CCND1: variants seen among roughly 807,000 people sequenced by gnomAD.
CCND1 encodes the protein cyclin D1, also known as G1/S-specific cyclin-D1.
Under a neutral mutation model 26.1 loss-of-function variants are expected in CCND1, and 9 were observed. That is an observed-to-expected ratio of 0.35 (90% confidence interval 0.21 to 0.60). The LOEUF is 0.60. Ranked by LOEUF, CCND1 falls within the 20% of genes least tolerant of loss-of-function variation. The pLI, the probability that CCND1 is intolerant of heterozygous loss-of-function variation, is 0.79. For missense variants in CCND1, 335 were observed against 392.9 expected, an observed-to-expected ratio of 0.85 and a Z score of 1.25; for synonymous variants, 194 against 166.1, an observed-to-expected ratio of 1.17 and a Z score of -1.29.
In CCND1 at chr11:69,653,369, C is replaced by T. The variant is rs1179486901; in HGVS notation, c.*2087C>T. 1.4e-6 allele frequency: 1 copy of T among 694,854 alleles called. No homozygotes were observed. The highest frequency in any genetic ancestry group is 2.6e-6 in the Non-Finnish European group (1 of 382,744). The allele number at this position is 694,854 out of a possible 1,614,324, so 43.0% of individuals were successfully genotyped here. A position where few individuals can be genotyped will look rare whatever the true frequency, so the allele number is the denominator to read the frequency against. ...TTACAATGTCATATACTGCCATGTA[C>T]TAGTTTTAGTTTTCTCTTAGAACAT... On this transcript the variant is annotated 3_prime_UTR_variant, in exon 5 of 5. Transcript: ENST00000227507.
At chr11:69,647,403 C>T (rs914358889) in intron 3 of CCND1, among the ~76,000 whole-genome samples, 1 of 152,060 alleles carries the variant, frequency 6.6e-6, no homozygotes, top group Admixed American at 6.5e-5. Context: ...ACACCACAGC[C>T]GCCCTGAAGG....
At position 69,643,900 on chromosome 11, in the gene CCND1, T is replaced by C. The variant is rs1447014281; in HGVS notation, c.483T>C (p.Ile161=). The C allele has an allele frequency of 3.1e-6, 5 of 1,613,534 alleles. No homozygotes were observed. Among genetic ancestry groups the C allele is most frequent in the Non-Finnish European group, 4.2e-6 (5 of 1,180,004 alleles). The stretch of plus-strand genomic sequence containing the variant: ...CCGCAATGACCCCGCACGATTTCAT[T>C]GAACACTTCCTCTCCAAAATGCCAG... ...NLAAMTPHDF[I]EHFLSKMPEA... The change falls in exon 3 of 5, where the codon ATT becomes ATC. Residue 161 remains isoleucine, a synonymous_variant. Transcript: ENST00000227507.
At position 69,641,613 on chromosome 11, in the gene CCND1, T is replaced by C. The variant is rs1855701411; in HGVS notation, c.198+102T>C. The C allele has an allele frequency of 1.1e-5, 13 of 1,174,016 alleles. No individual in the cohort carries two copies. In the Admixed American group the frequency reaches 2.5e-4, roughly 22 times the overall value. The allele number at this position is 1,174,016 out of a possible 1,614,324, so 72.7% of individuals were successfully genotyped here. ...CCCCTCCCTTCTCTCCCGCTAGAAC[T>C]TTGAAGTTTGCCGTGGTGTTTCTAG... On this transcript the variant is annotated intron_variant, in intron 1 of 4. Transcript: ENST00000227507.
In CCND1 at chr11:69,653,873, C is replaced by G. The variant is rs1855888004; in HGVS notation, c.*2591C>G. ...ATTGGAATAGCTTCTGGAATTTGTT[C>G]AAGTTTTGGGTATGTTTAATCTGTT... On this transcript the variant is annotated 3_prime_UTR_variant, in exon 5 of 5. Transcript: ENST00000227507. The G allele has an allele frequency of 2.6e-6, 1 of 386,774 alleles. No individual in the cohort carries two copies. 24.0% of individuals were successfully genotyped at this position (386,774 alleles called of 1,614,324 possible). A position where few individuals can be genotyped will look rare whatever the true frequency, so the allele number is the denominator to read the frequency against.
rs545055816 is a variant in CCND1, at chr11:69,643,536, G to C, written c.414+290G>C. ...CCAGCGGCTGCACGAGGAGCGCCGCGCTCGGCGCTGAGCCTCCAGTTCCAG... is the reference window on the plus strand; with the variant it reads ...CCAGCGGCTGCACGAGGAGCGCCGCCCTCGGCGCTGAGCCTCCAGTTCCAG... On this transcript the variant is annotated intron_variant, in intron 2 of 4. Coordinates refer to ENST00000227507, the MANE Select transcript of CCND1 (RefSeq NM_053056.3). Among the ~76,000 whole-genome samples the C allele has an allele frequency of 4.6e-5, 7 of 152,356 alleles. No individual in the cohort carries two copies. The South Asian group carries it at 1.2e-3, about 27-fold the overall frequency.
Position 69,641,229 on chromosome 11 carries a change from A to C in CCND1, c.-85A>C. 1 of 1,310,736 alleles carries C rather than the reference A, an allele frequency of 7.6e-7. No homozygotes were observed. Among genetic ancestry groups the C allele is most frequent in the Non-Finnish European group, 1.1e-6 (1 of 921,670 alleles). The allele number at this position is 1,310,736 out of a possible 1,614,324, so 81.2% of individuals were successfully genotyped here. A position where few individuals can be genotyped will look rare whatever the true frequency, so the allele number is the denominator to read the frequency against. ...GGCGAGGGGCAGAAGAGCGCGAGGGAGCGCGGGGCAGCAGAAGCGAGAGCC... is the reference window on the plus strand; with the variant it reads ...GGCGAGGGGCAGAAGAGCGCGAGGGCGCGCGGGGCAGCAGAAGCGAGAGCC... On this transcript the variant is annotated 5_prime_UTR_variant, in exon 1 of 5. Coordinates refer to ENST00000227507, the MANE Select transcript of CCND1 (RefSeq NM_053056.3).
Position 69,653,480 on chromosome 11 carries a change from G to A in CCND1, c.*2198G>A. The A allele has an allele frequency of 3.5e-6, 2 of 571,482 alleles. No individual in the cohort carries two copies. Among genetic ancestry groups the A allele is most frequent in the Non-Finnish European group, 6.1e-6 (2 of 328,452 alleles). The allele number at this position is 571,482 out of a possible 1,614,324, so 35.4% of individuals were successfully genotyped here. ...TGTGATTACTGCTCTATTCCAAAAA[G>A]GTTGCTGTTTCACAATACCTCATGC... is the stretch of plus-strand genomic sequence containing the variant. On this transcript the variant is annotated 3_prime_UTR_variant, in exon 5 of 5. Coordinates refer to ENST00000227507, the MANE Select transcript of CCND1 (RefSeq NM_053056.3).
intron 2 of CCND1, 82 bp downstream of exon 2, chr11:69,643,328 G>T (rs886353624): frequency 4.3e-6 from 5 of 1,167,850 alleles, no homozygotes; most frequent in African/African-American, 3.2e-5. Context: ...AGGCGGTGGC[G>T]GCCGGCCCGC....
intron 3 of CCND1, among the ~76,000 whole-genome samples, chr11:69,645,932 A>G (rs1855772670): frequency 1.3e-5 from 2 of 152,196 alleles, no homozygotes; most frequent in Admixed American, 6.5e-5. Context: ...AGGAACGTCC[A>G]GTGCCAAGGA....
rs1389923822 is a variant in CCND1 at position 69,648,151 on chromosome 11, G to C, written c.723+9G>C. ...TGATCAAGTGTGACCCGGTAAGTGA[G>C]GGTGATGTCCCAGGCAGCCTTGCCG... On this transcript the variant is annotated intron_variant, in intron 4 of 4. Coordinates refer to ENST00000227507, the MANE Select transcript of CCND1 (RefSeq NM_053056.3). 6.2e-7 allele frequency: 1 copy of C among 1,613,570 alleles called. No individual in the cohort carries two copies. Among genetic ancestry groups the C allele is most frequent in the Non-Finnish European group, 8.5e-7 (1 of 1,179,938 alleles).
rs192450956 is a variant in CCND1, at chr11:69,648,528, A to C, written c.723+386A>C. Among the ~76,000 whole-genome samples, 32 of 152,366 alleles carry C rather than the reference A, an allele frequency of 2.1e-4. No individual in the cohort carries two copies. The East Asian group carries it at 4.6e-3, about 22-fold the overall frequency. ...GCGTGGCCAATAAATAGATGCTTGA[A>C]AAGGGCTCCTGTGAGGTCCGAGACA... On this transcript the variant is annotated intron_variant, in intron 4 of 4. Transcript: ENST00000227507.
At position 69,651,197 on chromosome 11, in the gene CCND1, C is replaced by T. The variant is rs2120120354; in HGVS notation, c.803C>T (p.Pro268Leu). 6.2e-7 allele frequency: 1 copy of T among 1,608,524 alleles called. No homozygotes were observed. The highest frequency in any genetic ancestry group is 8.5e-7 in the Non-Finnish European group (1 of 1,176,936). ...SLRQAQQNMDPKAAEEEEEEE... is the reference protein window; with the variant it reads ...SLRQAQQNMDLKAAEEEEEEE... ...CGCCAGGCCCAGCAGAACATGGACC[C>T]CAAGGCCGCCGAGGAGGAGGAAGAG... Residue 268 changes from proline to leucine, a missense_variant, in exon 5 of 5, where the codon CCC becomes CTC. Transcript: ENST00000227507.
rs990053159 is a variant in CCND1 at position 69,643,005 on chromosome 11, C to A, written c.199-26C>A. 9.4e-6 allele frequency: 14 copies of A among 1,493,710 alleles called. No homozygotes were observed. In the African/African-American group the frequency reaches 2.0e-4, roughly 22 times the overall value. 92.5% of individuals were successfully genotyped at this position (1,493,710 alleles called of 1,614,324 possible). A position where few individuals can be genotyped will look rare whatever the true frequency, so the allele number is the denominator to read the frequency against. On this transcript the variant is annotated intron_variant, in intron 1 of 4. Coordinates refer to ENST00000227507, the MANE Select transcript of CCND1 (RefSeq NM_053056.3). The stretch of plus-strand genomic sequence containing the variant: ...GGGGGGCGGCGCGACCTGGCGGCGG[C>A]GGTCACGGGCCCCGTGCCTCCGTAG...
chr11:69,653,186 G>A lies in CCND1; in HGVS notation c.*1904G>A, dbSNP rs879160060. ...GAGGAGGTGTGAGGAGGAGGCTCCC[G>A]AGGGGAAGGGGCGGTGCCCACACCG... On this transcript the variant is annotated 3_prime_UTR_variant, in exon 5 of 5. Transcript: ENST00000227507. 189 of 664,598 alleles carry A rather than the reference G, an allele frequency of 2.8e-4. No individual in the cohort carries two copies. Among genetic ancestry groups the A allele is most frequent in the South Asian group, 2.7e-3 (167 of 61,362 alleles). 41.2% of individuals were successfully genotyped at this position (664,598 alleles called of 1,614,324 possible).
chr11:69,646,075 A>G (rs941162066), intron 3 of CCND1, among the ~76,000 whole-genome samples: 2 of 151,944 alleles, frequency 1.3e-5, no homozygotes, highest in African/African-American at 4.8e-5. Flanking sequence ...TGGGGGCACG[A>G]GCTTCTGAAA....
chr11:69,644,852 C>T (rs1265911334), intron 3 of CCND1, among the ~76,000 whole-genome samples: 1 of 152,220 alleles, frequency 6.6e-6, no homozygotes, highest in Non-Finnish European at 1.5e-5. Flanking sequence ...TCTGCTGTGG[C>T]CCACCTTTGG....
intron 2 of CCND1, chr11:69,643,463 C>T: frequency 2.1e-6 from 1 of 473,754 alleles, no homozygotes; most frequent in Admixed American, 4.4e-5. Context: ...CGACTCCCAC[C>T]GCGTTCGCGC....
At chr11:69,641,918 T>G (rs1019613031) in intron 1 of CCND1, among the ~76,000 whole-genome samples, 1 of 151,790 alleles carries the variant, frequency 6.6e-6, no homozygotes, top group African/African-American at 2.4e-5. Flanking sequence ...ATTTTTAAAT[T>G]AATATCCATG....
intron 3 of CCND1, 128 bp downstream of exon 3, chr11:69,644,119 G>C: frequency 3.4e-6 from 3 of 886,914 alleles, no homozygotes; most frequent in Non-Finnish European, 5.5e-6. Flanking sequence ...CTGCGCTGGA[G>C]AGCGCTCTTC....
Sources: gnomAD v4.1 joint callset for allele counts (sites outside exome capture counted in the v4.1 genomes callset) on GRCh38, gnomAD v4.1.1 for gene constraint, MANE v1.5 for transcripts, NCBI Gene and HGNC (gene_info 2026-07-23, HGNC 2026-07-21) for gene names.